Variants in BDP1 observed in about 807,000 individuals in gnomAD.
The protein encoded by BDP1 is transcription factor TFIIIB component B'' homolog.
A neutral mutation model predicts 266.6 loss-of-function variants in BDP1; 169 were observed. That is an observed-to-expected ratio of 0.63 (90% CI 0.56 to 0.72). The LOEUF (loss-of-function observed/expected upper bound fraction) is 0.72, where lower values mean the gene tolerates loss of function less well. BDP1 is among the 30% of genes least tolerant of loss of function. The pLI, the probability that BDP1 is intolerant of heterozygous loss-of-function variation, is 0.00. For synonymous variants in BDP1, 1,090 were observed against 1,022.4 expected (o/e 1.07, Z -1.26); for missense variants, 3,015 against 3,053.8 (o/e 0.99, Z 0.30).
At chr5:71,489,232 C>T (rs146672999) in intron 9 of BDP1, among the ~76,000 whole-genome samples, 172 bp from the exon 10 acceptor site, 31 of 152,074 alleles carry the variant, frequency 2.0e-4, no homozygotes, top group Middle Eastern at 6.8e-3. Flanking sequence ...TTATTGGCTC[C>T]GTGGATTTTT....
chr5:71,521,441 C>A (rs1435792187), intron 22 of BDP1, among the ~76,000 whole-genome samples: 2 of 151,554 alleles, frequency 1.3e-5, no homozygotes, highest in East Asian at 2.0e-4. Context: ...TTCAGGCATG[C>A]ACGACCATGC....
At position 71,554,703 on chromosome 5, in the gene BDP1, A is replaced by G. The variant is rs536818562; in HGVS notation, c.7200+1383A>G. On this transcript the variant is annotated intron_variant, in intron 35 of 38. Transcript: ENST00000358731. ...AGTGGTGTGAATATGTAAGAAAAGT[A>G]TAATGTCCATTTGGCTTATTTGTGA... Among the ~76,000 whole-genome samples the G allele has an allele frequency of 1.7e-4, 26 of 152,354 alleles. No homozygotes were observed. The South Asian group carries it at 1.9e-3, about 11-fold the overall frequency.
At position 71,458,764 on chromosome 5, in the gene BDP1, C is replaced by T. The variant is rs79435851; in HGVS notation, c.398C>T (p.Thr133Ile). ...GCTCCACAGCCAACTGCCACTTCAACAAAAGAGAAACAGCCATGCTCAGAC... is the reference window on the plus strand; with the variant it reads ...GCTCCACAGCCAACTGCCACTTCAATAAAAGAGAAACAGCCATGCTCAGAC... ...QEAPQPTATS[T>I]KEKQPCSDRY... Residue 133 changes from threonine to isoleucine, a missense_variant, in exon 2 of 39, where the codon ACA becomes ATA. Physicochemically the swap from Thr to Ile is moderately conservative, Grantham distance 89. Coordinates refer to ENST00000358731, the MANE Select transcript of BDP1 (RefSeq NM_018429.3). 3 of 1,613,902 alleles carry T rather than the reference C, an allele frequency of 1.9e-6. No individual in the cohort carries two copies. The South Asian group carries it at 3.3e-5, about 18-fold the overall frequency.
chr5:71,547,767 G>C (rs1022811307), intron 32 of BDP1, among the ~76,000 whole-genome samples: 2 of 152,006 alleles, frequency 1.3e-5, no homozygotes, highest in African/African-American at 4.8e-5. Flanking sequence ...GGCCAACATG[G>C]TGAAACTCTG....
intron 36 of BDP1, among the ~76,000 whole-genome samples, chr5:71,557,782 C>T (rs529630326): frequency 2.0e-5 from 3 of 152,190 alleles, no homozygotes; most frequent in Admixed American, 6.5e-5. Flanking sequence ...AAGCAGTCTG[C>T]CCACCCCAGC....
In BDP1 at chr5:71,491,030, T is replaced by C. The variant is rs961692628; in HGVS notation, c.1539T>C (p.Ser513=). The part of the protein sequence containing the change: ...IRPELKEGEC[S]KEQMLSCTQN... ...CTGAGCTAAAGGAAGGTGAATGCAG[T>C]AAGGAGCAGATGCTTTCCTGCACAC... is the stretch of plus-strand genomic sequence containing the variant. The change falls in exon 11 of 39, where the codon AGT becomes AGC. Residue 513 remains serine (S), a synonymous_variant. Transcript: ENST00000358731. 3 of 1,613,582 alleles carry C rather than the reference T, an allele frequency of 1.9e-6. No homozygotes were observed. The African/African-American group carries it at 4.0e-5, about 22-fold the overall frequency.
intron 14 of BDP1, among the ~76,000 whole-genome samples, chr5:71,501,962 A>G (rs1288563371): frequency 2.6e-5 from 4 of 152,154 alleles, no homozygotes; most frequent in Non-Finnish European, 5.9e-5. Context: ...AGAAATCTAA[A>G]ATAGAATGTG....
At chr5:71,506,786 A>G (rs868259790) in intron 16 of BDP1, among the ~76,000 whole-genome samples, 1 of 64,408 alleles carries the variant, frequency 1.6e-5, no homozygotes, top group South Asian at 5.2e-4. Context: ...ATATATTTGA[A>G]ACACACACAC....
Position 71,496,159 on chromosome 5 carries a change from G to A in BDP1, c.1799+751G>A, listed in dbSNP as rs569017515. ...TGGGAGGCTGAGGCAGGAGAATGGC[G>A]TGAACCTGGGAGGTAGAACCTGCAG... On this transcript the variant is annotated intron_variant, in intron 12 of 38. Coordinates refer to ENST00000358731, the MANE Select transcript of BDP1 (RefSeq NM_018429.3). 3.3e-5 allele frequency among the ~76,000 whole-genome samples: 5 copies of A among 150,922 alleles called. No individual in the cohort carries two copies. The East Asian group carries it at 5.9e-4, about 18-fold the overall frequency.
At chr5:71,531,141 C>T (rs1303584288) in intron 25 of BDP1, among the ~76,000 whole-genome samples, 1 of 152,088 alleles carries the variant, frequency 6.6e-6, no homozygotes, top group Non-Finnish European at 1.5e-5. Context: ...AGTTTCTACT[C>T]AGCCATACAA....
At position 71,510,657 on chromosome 5, in the gene BDP1, GTGAT is replaced by G; in HGVS notation, c.3570_3573del (p.Ile1190MetfsTer5). 1 of 1,585,910 alleles carries G rather than the reference GTGAT, an allele frequency of 6.3e-7. No homozygotes were observed. The highest frequency in any genetic ancestry group is 8.6e-7 in the Non-Finnish European group (1 of 1,162,606). The stretch of plus-strand genomic sequence containing the variant: ...TTCCTCAAGGGAGAAGACACGAGAG[GTGAT>G]TGATGCTGCTGAGGTAATAGAGACA... On this transcript the variant is annotated frameshift_variant, in exon 17 of 39. Coordinates refer to ENST00000358731, the MANE Select transcript of BDP1 (RefSeq NM_018429.3). LOFTEE classifies it high-confidence loss of function.
chr5:71,494,046 AAC>A (rs1420082174), intron 11 of BDP1, among the ~76,000 whole-genome samples: 4 of 152,206 alleles, frequency 2.6e-5, no homozygotes, highest in Admixed American at 2.6e-4. Flanking sequence ...AGACGTAGAA[AAC>A]ACAGACTTTA....
rs1743530376 is a variant in BDP1, at chr5:71,560,173, G to A, written c.7432G>A (p.Asp2478Asn). Residue 2478 changes from aspartate to asparagine, a missense_variant, in exon 37 of 39, where the codon GAT (aspartate) becomes AAT (asparagine). Physicochemically the swap from Asp to Asn is conservative, Grantham distance 23 (BLOSUM62 1). Transcript: ENST00000358731. The stretch of plus-strand genomic sequence containing the variant: ...TGTGTCTGATAAGGAAGAAAGAACT[G>A]ATGCTGCTCCTAAGTCTCAGCAAAT... ...MIVSDKEERT[D>N]AAPKSQQMDS... 6.2e-6 allele frequency: 10 copies of A among 1,614,100 alleles called. No individual in the cohort carries two copies. Among genetic ancestry groups the A allele is most frequent in the Non-Finnish European group, 8.5e-6 (10 of 1,179,960 alleles).
intron 7 of BDP1, among the ~76,000 whole-genome samples, chr5:71,471,604 G>C (rs181437853): frequency 7.2e-5 from 11 of 152,300 alleles, no homozygotes; most frequent in Admixed American, 7.2e-4. Flanking sequence ...AGTGATGTCA[G>C]TTACAGCTAT....
At chr5:71,555,564 C>T (rs372271308) in intron 35 of BDP1, among the ~76,000 whole-genome samples, 2 of 151,952 alleles carry the variant, frequency 1.3e-5, no homozygotes, top group East Asian at 3.9e-4. Flanking sequence ...CTCAGCCTCC[C>T]GAGTAGCTGG....
the BDP1 span, among the ~76,000 whole-genome samples, chr5:71,575,426 A>G: frequency 6.6e-6 from 1 of 152,218 alleles, no homozygotes; most frequent in Admixed American, 6.5e-5. Flanking sequence ...AGCAGCTAGT[A>G]AAAGAACAAT....
chr5:71,461,960 T>C (rs767340531), intron 3 of BDP1, 34 bp downstream of exon 3: 32 of 561,486 alleles, frequency 5.7e-5, no homozygotes, highest in South Asian at 1.3e-4. Flanking sequence ...TACTATCTCT[T>C]TTTTTTTTTT....
chr5:71,504,472 T>C (rs1764454277), intron 15 of BDP1, 149 bp from the exon 16 acceptor site: 2 of 692,814 alleles, frequency 2.9e-6, no homozygotes, highest in African/African-American at 1.8e-5. Context: ...CTAAGATAGC[T>C]AAAGAAAAAA....
At chr5:71,506,844 A>G (rs1474863087) in intron 16 of BDP1, among the ~76,000 whole-genome samples, 11 of 148,142 alleles carry the variant, frequency 7.4e-5, no homozygotes, top group Non-Finnish European at 1.6e-4. Flanking sequence ...TTTAAAGACA[A>G]GGGTCTTGCT....
Sources: allele counts gnomAD v4.1 joint callset (sites outside exome capture counted in the v4.1 genomes callset), GRCh38; gene constraint gnomAD v4.1.1; transcripts MANE v1.5; gene names NCBI Gene and HGNC (gene_info 2026-07-23, HGNC 2026-07-21).